KCNQ5: variants seen among roughly 807,000 people sequenced by gnomAD.
The protein encoded by KCNQ5 is potassium voltage-gated channel subfamily KQT member 5.
KCNQ5 carries 30 observed loss-of-function variants against 98.2 expected under a neutral mutation model. The observed-to-expected ratio is 0.31, with a 90% CI of 0.23 to 0.41. KCNQ5 has a LOEUF of 0.41. Among genes scored for constraint, KCNQ5 ranks in the 10% least tolerant of loss-of-function variants. The pLI is 1.00. For synonymous variants in KCNQ5, 458 were observed against 449.4 expected (o/e 1.02, Z -0.24); for missense variants, 835 against 1,182.5 (o/e 0.71, Z 4.31).
chr6:72,971,025 TGC>T (rs1237764454), intron 1 of KCNQ5, among the ~76,000 whole-genome samples: 2 of 152,202 alleles, frequency 1.3e-5, no homozygotes, highest in African/African-American at 4.8e-5. Context: ...AAAGAGCTTC[TGC>T]ACAGCAAAAG....
At chr6:73,050,601 A>C (rs540059768) in intron 3 of KCNQ5, among the ~76,000 whole-genome samples, 14 of 152,170 alleles carry the variant, frequency 9.2e-5, no homozygotes, top group Non-Finnish European at 1.6e-4. Flanking sequence ...ACATGCGCTC[A>C]ATTTTTATAT....
chr6:73,053,441 A>G (rs1251422949), intron 3 of KCNQ5, among the ~76,000 whole-genome samples: 1 of 152,182 alleles, frequency 6.6e-6, no homozygotes, highest in African/African-American at 2.4e-5. Context: ...ACAGGAGTGT[A>G]TATATTCTTC....
intron 1 of KCNQ5, among the ~76,000 whole-genome samples, chr6:72,865,220 A>C (rs1350138158): frequency 6.6e-6 from 1 of 152,006 alleles, no homozygotes; most frequent in African/African-American, 2.4e-5. Context: ...TCTGCATCTC[A>C]AGTTCTTTCC....
intron 1 of KCNQ5, among the ~76,000 whole-genome samples, chr6:72,907,169 C>T (rs904237694): frequency 1.3e-5 from 2 of 151,998 alleles, no homozygotes; most frequent in African/African-American, 4.8e-5. Context: ...AAAGTCTACC[C>T]CCGGAGAGGA....
At chr6:72,988,092 C>T (rs980286785) in intron 1 of KCNQ5, among the ~76,000 whole-genome samples, 1 of 152,130 alleles carries the variant, frequency 6.6e-6, no homozygotes, top group African/African-American at 2.4e-5. Flanking sequence ...GCTAAAACCT[C>T]CTGTTTTCTG....
At chr6:72,885,998 C>G (rs1436418710) in intron 1 of KCNQ5, among the ~76,000 whole-genome samples, 3 of 152,210 alleles carry the variant, frequency 2.0e-5, no homozygotes, top group Admixed American at 6.5e-5. Context: ...AAGTTCACAC[C>G]TCACATAAGC....
chr6:72,937,505 G>T (rs961169881), intron 1 of KCNQ5, among the ~76,000 whole-genome samples: 1 of 152,132 alleles, frequency 6.6e-6, no homozygotes, highest in Admixed American at 6.6e-5. Context: ...TTTTGATCAA[G>T]TTAAAGTATG....
intron 1 of KCNQ5, among the ~76,000 whole-genome samples, chr6:72,983,595 G>T (rs944279809): frequency 6.6e-6 from 1 of 152,060 alleles, no homozygotes; most frequent in Non-Finnish European, 1.5e-5. Context: ...AAGGTTTTTA[G>T]CTTCCTTGTG....
At chr6:72,662,498 A>G (rs1766581358) in intron 1 of KCNQ5, among the ~76,000 whole-genome samples, 1 of 152,180 alleles carries the variant, frequency 6.6e-6, no homozygotes, top group African/African-American at 2.4e-5. Context: ...ATATCATTAC[A>G]CCATGCCCAT....
chr6:73,140,516 C>T (rs1776660695), intron 10 of KCNQ5, among the ~76,000 whole-genome samples: 1 of 152,146 alleles, frequency 6.6e-6, no homozygotes, highest in Non-Finnish European at 1.5e-5. Context: ...TTAGGGCTTC[C>T]ACTTAACCTG....
chr6:73,041,189 A>G (rs1017589716), intron 2 of KCNQ5, among the ~76,000 whole-genome samples: 1 of 152,166 alleles, frequency 6.6e-6, no homozygotes, highest in African/African-American at 2.4e-5. Flanking sequence ...TCATTCTATC[A>G]TCGACTGTTT....
chr6:72,787,471 A>G (rs1405881696), intron 1 of KCNQ5, among the ~76,000 whole-genome samples: 1 of 152,170 alleles, frequency 6.6e-6, no homozygotes, highest in Non-Finnish European at 1.5e-5. Flanking sequence ...GAGATGTACA[A>G]CTATTCAGCA....
At chr6:73,072,003 AT>A (rs1347514874) in intron 3 of KCNQ5, among the ~76,000 whole-genome samples, 2 of 152,186 alleles carry the variant, frequency 1.3e-5, no homozygotes, top group Non-Finnish European at 2.9e-5. Context: ...CACTAGAATA[AT>A]TCAAAAAACT....
Position 72,699,142 on chromosome 6 carries a change from T to TG in KCNQ5, c.398+76557dup, listed in dbSNP as rs1311662873. On this transcript the variant is annotated intron_variant, in intron 1 of 13. Coordinates refer to ENST00000370398, the MANE Select transcript of KCNQ5 (RefSeq NM_019842.4). ...CACTTTGGAAAAACTAAGGGTAAGA[T>TG]GGTACATGAATGGTTAAAAATCTGA... 2.0e-5 allele frequency among the ~76,000 whole-genome samples: 3 copies of TG among 152,266 alleles called. No homozygotes were observed. In the East Asian group the frequency reaches 5.8e-4, roughly 29 times the overall value.
chr6:73,139,589 TATA>T (rs1378872323), intron 10 of KCNQ5, among the ~76,000 whole-genome samples: 1 of 152,232 alleles, frequency 6.6e-6, no homozygotes, highest in African/African-American at 2.4e-5. Flanking sequence ...AAGCCAGATT[TATA>T]ATTTTTTTCA....
At chr6:73,034,999 C>T (rs1275108720) in intron 2 of KCNQ5, among the ~76,000 whole-genome samples, 1 of 147,664 alleles carries the variant, frequency 6.8e-6, no homozygotes, top group Non-Finnish European at 1.5e-5. Context: ...GCGCCCGCCA[C>T]CACACCCAGC....
intron 5 of KCNQ5, among the ~76,000 whole-genome samples, chr6:73,102,285 A>G (rs1774814494): frequency 6.6e-6 from 1 of 152,188 alleles, no homozygotes. Flanking sequence ...TAATACCTCA[A>G]TCTATGAAAC....
intron 1 of KCNQ5, among the ~76,000 whole-genome samples, chr6:72,935,116 G>C (rs1765855614): frequency 7.0e-6 from 1 of 143,882 alleles, no homozygotes; most frequent in Admixed American, 7.1e-5. Context: ...TTGTCACCAG[G>C]CTGGAGTGCA....
chr6:72,986,978 G>A (rs1768810180), intron 1 of KCNQ5: 9 of 802,980 alleles, frequency 1.1e-5, no homozygotes, highest in South Asian at 1.1e-4. Flanking sequence ...AGCACAGTGG[G>A]AAGGTGAAGA....
Sources: gnomAD v4.1 joint callset for allele counts (sites outside exome capture counted in the v4.1 genomes callset) on GRCh38, gnomAD v4.1.1 for gene constraint, MANE v1.5 for transcripts, NCBI Gene and HGNC (gene_info 2026-07-23, HGNC 2026-07-21) for gene names.